Variants in RIPK1 observed in about 807,000 individuals in gnomAD.
RIPK1 encodes the protein receptor interacting serine/threonine kinase 1.
RIPK1 carries 27 observed loss-of-function variants against 62.4 expected under a neutral mutation model. The observed-to-expected ratio is 0.43, with a 90% CI of 0.32 to 0.60. RIPK1 has a LOEUF of 0.60. RIPK1 is among the 20% of genes least tolerant of loss of function. The pLI, the probability that RIPK1 is intolerant of heterozygous loss-of-function variation, is 0.07. For missense variants in RIPK1, 735 were observed against 831.0 expected, an observed-to-expected ratio of 0.88 and a Z score of 1.42; for synonymous variants, 287 against 303.2, an observed-to-expected ratio of 0.95 and a Z score of 0.55.
chr6:3,099,708 T>G (rs1760499544), intron 7 of RIPK1, among the ~76,000 whole-genome samples: 1 of 152,194 alleles, frequency 6.6e-6, no homozygotes, highest in Non-Finnish European at 1.5e-5. Flanking sequence ...AGATTGAAAT[T>G]TTTGAAAGAT....
Position 3,089,536 on chromosome 6 carries a change from G to A in RIPK1, c.839-45G>A, listed in dbSNP as rs139937449. 6 of 924,182 alleles carry A rather than the reference G, an allele frequency of 6.5e-6. No homozygotes were observed. The East Asian group carries it at 9.9e-5, about 15-fold the overall frequency. The allele number at this position is 924,182 out of a possible 1,614,324, so 57.2% of individuals were successfully genotyped here. On this transcript the variant is annotated intron_variant, in intron 6 of 10. Coordinates refer to ENST00000259808, the MANE Select transcript of RIPK1 (RefSeq NM_001354930.2). Reference sequence around the variant, plus strand: ...TAGATGGCTAATATTTTTATTTTATGTTAGAAAATAATTAAGAAATTTAAA... The same window carrying A: ...TAGATGGCTAATATTTTTATTTTATATTAGAAAATAATTAAGAAATTTAAA...
At chr6:3,101,379 C>G (rs954947592) in intron 7 of RIPK1, among the ~76,000 whole-genome samples, 6 of 152,210 alleles carry the variant, frequency 3.9e-5, no homozygotes, top group African/African-American at 1.2e-4. Context: ...TGCTTGAGCC[C>G]AGGAGTTGGA....
chr6:3,076,779 G>T lies in RIPK1; in HGVS notation c.-45G>T, dbSNP rs1291759373. 11 of 1,601,514 alleles carry T rather than the reference G, an allele frequency of 6.9e-6. No homozygotes were observed. The highest frequency in any genetic ancestry group is 9.4e-6 in the Non-Finnish European group (11 of 1,175,080). ...TTCTTTACAGGGTACAGCTCTGCCG[G>T]GGGGGGAAAAAGTGGTACCATTTTG... On this transcript the variant is annotated 5_prime_UTR_variant, in exon 2 of 11. Coordinates refer to ENST00000259808, the MANE Select transcript of RIPK1 (RefSeq NM_001354930.2).
intron 4 of RIPK1, 124 bp from the exon 5 acceptor site, chr6:3,082,961 G>A (rs1378223287): frequency 7.0e-6 from 6 of 862,928 alleles, no homozygotes; most frequent in Non-Finnish European, 1.1e-5. Flanking sequence ...AACCTGCCCA[G>A]TGCAACCATT....
chr6:3,095,418 TAGAGAAG>T (rs1760237468), intron 7 of RIPK1, among the ~76,000 whole-genome samples: 1 of 152,188 alleles, frequency 6.6e-6, no homozygotes, highest in Non-Finnish European at 1.5e-5. Context: ...CTCTAGATAA[TAGAGAAG>T]AGAGAACTCT....
chr6:3,068,825 C>G (rs904435466), intron 1 of RIPK1, 164 bp downstream of exon 1: 3 of 250,710 alleles, frequency 1.2e-5, no homozygotes, highest in African/African-American at 6.9e-5. Flanking sequence ...TTCCCTCACC[C>G]GGGCCTCCAG....
chr6:3,084,366 G>T (rs150658478), intron 5 of RIPK1, among the ~76,000 whole-genome samples: 1 of 152,122 alleles, frequency 6.6e-6, no homozygotes, highest in Non-Finnish European at 1.5e-5. Context: ...TACTGGCCTC[G>T]TCCCTAACCC....
Position 3,072,379 on chromosome 6 carries a change from TTATC to T in RIPK1, c.-61+3722_-61+3725del, listed in dbSNP as rs1283506842. On this transcript the variant is annotated intron_variant, in intron 1 of 10. Transcript: ENST00000259808. The surrounding 1 kb of genome is among the most constrained non-coding windows in gnomAD (Gnocchi z 5.6). ...GTCTTTTTTATCTGTACTTATATCT[TTATC>T]TATTTACATATATATATATATAAAA... Among the ~76,000 whole-genome samples, 2 of 109,756 alleles carry T rather than the reference TTATC, an allele frequency of 1.8e-5. No individual in the cohort carries two copies. Among genetic ancestry groups the T allele is most frequent in the Non-Finnish European group, 3.8e-5 (2 of 53,154 alleles). 72.0% of individuals were successfully genotyped at this position (109,756 alleles called of 152,430 possible).
chr6:3,113,413 G>A lies in RIPK1; in HGVS notation c.*74G>A. The stretch of plus-strand genomic sequence containing the variant: ...ACCCCAGAAAGTTGGCTGCCTCAGA[G>A]CATTCAGAATTCTGTCCTCACTGAT... On this transcript the variant is annotated 3_prime_UTR_variant, in exon 11 of 11. Transcript: ENST00000259808. The surrounding 1 kb of genome is among the most constrained non-coding windows in gnomAD (Gnocchi z 5.0). 1 of 1,445,316 alleles carries A rather than the reference G, an allele frequency of 6.9e-7. No individual in the cohort carries two copies. The highest frequency in any genetic ancestry group is 9.4e-7 in the Non-Finnish European group (1 of 1,064,444). The allele number at this position is 1,445,316 out of a possible 1,614,324, so 89.5% of individuals were successfully genotyped here. A position where few individuals can be genotyped will look rare whatever the true frequency, so the allele number is the denominator to read the frequency against.
intron 1 of RIPK1, among the ~76,000 whole-genome samples, chr6:3,069,721 G>A (rs1758595913): frequency 6.6e-6 from 1 of 152,186 alleles, no homozygotes; most frequent in South Asian, 2.1e-4. Flanking sequence ...TTAGAAATGT[G>A]GAATACTGCG....
At chr6:3,100,076 A>G (rs967478559) in intron 7 of RIPK1, among the ~76,000 whole-genome samples, 4 of 152,218 alleles carry the variant, frequency 2.6e-5, no homozygotes, top group Admixed American at 6.5e-5. Flanking sequence ...TGTTAGTGAA[A>G]AAAATAAGTC....
chr6:3,105,053 T>C lies in RIPK1; in HGVS notation c.1007-429T>C, dbSNP rs946153098. 1.6e-4 allele frequency among the ~76,000 whole-genome samples: 24 copies of C among 152,128 alleles called. No individual in the cohort carries two copies. The highest frequency in any genetic ancestry group is 5.8e-4 in the African/African-American group (24 of 41,430). On this transcript the variant is annotated intron_variant, in intron 8 of 10. Transcript: ENST00000259808. This position sits in a 1 kb window ranked among gnomAD's most constrained non-coding sequence, Gnocchi z 4.5. ...TTTCAGTAGAGATGGGGTTTCGCCATGTTGGCCAGGCTGGTCTCGAACTCC... is the reference window on the plus strand; with the variant it reads ...TTTCAGTAGAGATGGGGTTTCGCCACGTTGGCCAGGCTGGTCTCGAACTCC...
At chr6:3,076,271 T>A (rs1281419379) in intron 1 of RIPK1, among the ~76,000 whole-genome samples, 1 of 152,210 alleles carries the variant, frequency 6.6e-6, no homozygotes, top group Non-Finnish European at 1.5e-5. Flanking sequence ...TCTTCTCTGA[T>A]TCTTAAAAAT....
chr6:3,110,056 C>T lies in RIPK1; in HGVS notation c.1577-747C>T, dbSNP rs541036550. 1.4e-4 allele frequency among the ~76,000 whole-genome samples: 22 copies of T among 152,310 alleles called. No homozygotes were observed. In the South Asian group the frequency reaches 3.1e-3, roughly 22 times the overall value. ...TCATGGGTGCCTGGCTTACTTCCAC[C>T]TTTTAGCTATTGTGAATAATGCTGC... On this transcript the variant is annotated intron_variant, in intron 9 of 10. Coordinates refer to ENST00000259808, the MANE Select transcript of RIPK1 (RefSeq NM_001354930.2).
intron 10 of RIPK1, among the ~76,000 whole-genome samples, chr6:3,112,088 A>G (rs910494943): frequency 8.5e-5 from 13 of 152,294 alleles, no homozygotes; most frequent in African/African-American, 3.1e-4. Flanking sequence ...GGAAGGAACC[A>G]GTAGAAGGAG....
At chr6:3,079,320 C>G (rs550270048) in intron 3 of RIPK1, among the ~76,000 whole-genome samples, 1 of 152,054 alleles carries the variant, frequency 6.6e-6, no homozygotes, top group Non-Finnish European at 1.5e-5. Flanking sequence ...CCTCGTGATC[C>G]GACTGCCTTG....
At chr6:3,104,177 C>CT (rs773038989) in intron 7 of RIPK1, 48 bp from the exon 8 acceptor site, 5 of 802,358 alleles carry the variant, frequency 6.2e-6, no homozygotes, top group African/African-American at 5.2e-5. Flanking sequence ...TTCTGGGACT[C>CT]TATTTCCTGC....
intron 1 of RIPK1, among the ~76,000 whole-genome samples, chr6:3,075,288 T>A (rs530611802): frequency 8.5e-5 from 13 of 152,316 alleles, no homozygotes; most frequent in Non-Finnish European, 1.8e-4. Context: ...TGGTTCTCCA[T>A]GGGTTTTTAT....
chr6:3,073,861 C>A (rs1758909394), intron 1 of RIPK1, among the ~76,000 whole-genome samples: 1 of 152,120 alleles, frequency 6.6e-6, no homozygotes, highest in South Asian at 2.1e-4. Context: ...TGAAAAACAC[C>A]AAGTCTGAAG....
Sources: allele counts gnomAD v4.1 joint callset (sites outside exome capture counted in the v4.1 genomes callset), GRCh38; gene constraint gnomAD v4.1.1; non-coding constraint Gnocchi (gnomAD v3.1); transcripts MANE v1.5; gene names NCBI Gene and HGNC (gene_info 2026-07-23, HGNC 2026-07-21).